The following EXOC4 variants were observed in gnomAD, a reference collection of about 807,000 sequenced individuals.
EXOC4 encodes the protein exocyst complex component 4.
A neutral mutation model predicts 107.2 loss-of-function variants in EXOC4; 71 were observed. The ratio of observed to expected loss-of-function variants is 0.66; its 90% CI spans 0.55 to 0.81. EXOC4 has a LOEUF of 0.81. Among genes scored for constraint, EXOC4 ranks in the 30% least tolerant of loss-of-function variants. EXOC4 has a pLI of 0.00. For missense variants in EXOC4, 1,108 were observed against 1,189.6 expected (o/e 0.93, Z 1.01); for synonymous variants, 456 against 441.2 (o/e 1.03, Z -0.42).
At chr7:133,347,002 T>C (rs926155706) in intron 5 of EXOC4, among the ~76,000 whole-genome samples, 1 of 152,182 alleles carries the variant, frequency 6.6e-6, no homozygotes, top group Admixed American at 6.5e-5. Context: ...GTATGGCATA[T>C]ATTACTGATC....
intron 12 of EXOC4, among the ~76,000 whole-genome samples, chr7:133,913,286 G>C (rs964059609): frequency 1.3e-5 from 2 of 152,154 alleles, no homozygotes; most frequent in African/African-American, 4.8e-5. Flanking sequence ...TCTAGCCTTG[G>C]TCTTACCTGG....
chr7:133,531,142 A>C (rs759178969), intron 9 of EXOC4, among the ~76,000 whole-genome samples: 1 of 152,094 alleles, frequency 6.6e-6, no homozygotes, highest in Non-Finnish European at 1.5e-5. Flanking sequence ...TTTAGTAAGG[A>C]ATATATTTTA....
intron 10 of EXOC4, among the ~76,000 whole-genome samples, chr7:133,813,686 C>T (rs1454826031): frequency 1.3e-5 from 2 of 152,090 alleles, no homozygotes; most frequent in Non-Finnish European, 2.9e-5. Flanking sequence ...CTTTAAAGAT[C>T]CATTATATTT....
intron 5 of EXOC4, among the ~76,000 whole-genome samples, chr7:133,336,699 AT>A (rs1795521857): frequency 3.7e-5 from 2 of 54,228 alleles, no homozygotes; most frequent in African/African-American, 8.5e-5. Flanking sequence ...TATTTATTTT[AT>A]TTTATTTTAT....
chr7:133,686,716 T>G (rs559141668), intron 10 of EXOC4, among the ~76,000 whole-genome samples: 1 of 151,984 alleles, frequency 6.6e-6, no homozygotes, highest in South Asian at 2.1e-4. Flanking sequence ...ATAATAGATG[T>G]GGGTGTGGAT....
chr7:133,699,622 T>C (rs1310263958), intron 10 of EXOC4, among the ~76,000 whole-genome samples: 4 of 152,140 alleles, frequency 2.6e-5, no homozygotes, highest in African/African-American at 2.4e-5. Flanking sequence ...CAGTCTCTTA[T>C]GATAATTCCT....
At chr7:133,556,458 C>G (rs1409047558) in intron 9 of EXOC4, among the ~76,000 whole-genome samples, 1 of 152,064 alleles carries the variant, frequency 6.6e-6, no homozygotes, top group Admixed American at 6.5e-5. Context: ...TGTTTCTTAT[C>G]CATCTTCAAA....
chr7:133,495,635 G>A (rs1343129155), intron 9 of EXOC4, among the ~76,000 whole-genome samples: 2 of 152,226 alleles, frequency 1.3e-5, no homozygotes, highest in East Asian at 3.9e-4. Flanking sequence ...CAAAATGTCT[G>A]GCACATTCAT....
chr7:133,567,790 C>T (rs1044476351), intron 9 of EXOC4, among the ~76,000 whole-genome samples: 1 of 152,066 alleles, frequency 6.6e-6, no homozygotes. Flanking sequence ...GAAATATGGG[C>T]CTGAATTTAT....
chr7:133,357,157 T>TTGTTTG (rs1263701131), intron 6 of EXOC4, among the ~76,000 whole-genome samples: 1 of 152,186 alleles, frequency 6.6e-6, no homozygotes, highest in Non-Finnish European at 1.5e-5. Context: ...ATTTAAAGAA[T>TTGTTTG]AAATTGAATC....
At chr7:133,810,091 T>TA (rs35966119) in intron 10 of EXOC4, among the ~76,000 whole-genome samples, 66,790 of 152,038 alleles carry the variant, frequency 0.44, 15,180 homozygotes, top group South Asian at 0.61. Context: ...CGTCGAATTT[T>TA]AAAAGCTTTT....
chr7:133,825,678 A>G (rs1156727750), intron 11 of EXOC4, among the ~76,000 whole-genome samples: 2 of 152,204 alleles, frequency 1.3e-5, no homozygotes, highest in African/African-American at 2.4e-5. Flanking sequence ...GTTCATATGA[A>G]GAATGTTGCA....
At chr7:133,978,651 C>CT (rs1285819330) in intron 14 of EXOC4, among the ~76,000 whole-genome samples, 1 of 152,222 alleles carries the variant, frequency 6.6e-6, no homozygotes, top group African/African-American at 2.4e-5. Flanking sequence ...AATCTAGCTG[C>CT]TGCCTTTCAG....
intron 1 of EXOC4, among the ~76,000 whole-genome samples, chr7:133,266,106 A>C (rs1434868706): frequency 6.6e-6 from 1 of 152,230 alleles, no homozygotes; most frequent in Non-Finnish European, 1.5e-5. Context: ...GGAGGCTACA[A>C]GTTCAAGATC....
chr7:134,073,845 G>A, the EXOC4 span, among the ~76,000 whole-genome samples: 5 of 152,150 alleles, frequency 3.3e-5, no homozygotes, highest in South Asian at 2.1e-4. Flanking sequence ...TCAGGAGAGC[G>A]GGGTGAGCAC....
At chr7:133,799,894 A>G (rs945660671) in intron 10 of EXOC4, among the ~76,000 whole-genome samples, 16 of 152,292 alleles carry the variant, frequency 1.1e-4, no homozygotes, top group African/African-American at 3.6e-4. Context: ...ACCTTACTTA[A>G]TCTCATTAAT....
At chr7:133,257,042 G>A (rs546667318) in intron 1 of EXOC4, among the ~76,000 whole-genome samples, 4 of 152,238 alleles carry the variant, frequency 2.6e-5, no homozygotes, top group South Asian at 2.1e-4. Flanking sequence ...AAAAATTATC[G>A]AATAAAAATA....
Position 133,532,592 on chromosome 7 carries a change from C to T in EXOC4, c.1417+52454C>T, listed in dbSNP as rs1171593798. Among the ~76,000 whole-genome samples, 4 of 152,020 alleles carry T rather than the reference C, an allele frequency of 2.6e-5. No individual in the cohort carries two copies. The South Asian group carries it at 8.3e-4, about 32-fold the overall frequency. ...TCTAGGAGAAAGCTTGCTTTTAATA[C>T]CTGTTTCTTCTAGAAGTGAATAGGA... On this transcript the variant is annotated intron_variant, in intron 9 of 17. Coordinates refer to ENST00000253861, the MANE Select transcript of EXOC4 (RefSeq NM_021807.4).
chr7:133,624,013 A>G (rs921232395), intron 9 of EXOC4, among the ~76,000 whole-genome samples: 3 of 152,234 alleles, frequency 2.0e-5, no homozygotes, highest in Non-Finnish European at 2.9e-5. Flanking sequence ...GACCCCATTT[A>G]TTGATGCAGT....
Sources: gnomAD v4.1 joint callset for allele counts (sites outside exome capture counted in the v4.1 genomes callset) on GRCh38, gnomAD v4.1.1 for gene constraint, MANE v1.5 for transcripts, NCBI Gene and HGNC (gene_info 2026-07-23, HGNC 2026-07-21) for gene names.